Variants in PDE4D observed in about 807,000 individuals in gnomAD.
PDE4D encodes the protein 3',5'-cyclic-AMP phosphodiesterase 4D.
PDE4D carries 24 observed loss-of-function variants against 87.4 expected under a neutral mutation model. The observed-to-expected ratio is 0.27, with a 90% CI of 0.20 to 0.39. PDE4D has a LOEUF of 0.39. Ranked by LOEUF, PDE4D falls within the 10% of genes least tolerant of loss-of-function variation. The pLI is 1.00. For missense variants in PDE4D, 714 were observed against 1,041.0 expected, an observed-to-expected ratio of 0.69 and a Z score of 4.32; for synonymous variants, 384 against 383.2, an observed-to-expected ratio of 1.00 and a Z score of -0.02.
At chr5:59,152,126 G>A (rs1779560701) in intron 5 of PDE4D, among the ~76,000 whole-genome samples, 1 of 152,138 alleles carries the variant, frequency 6.6e-6, no homozygotes, top group African/African-American at 2.4e-5. Flanking sequence ...ATGACCATGG[G>A]ACATATCCCT....
intron 3 of PDE4D, among the ~76,000 whole-genome samples, chr5:59,933,198 C>G (rs554551576): frequency 3.3e-5 from 5 of 152,302 alleles, no homozygotes; most frequent in Admixed American, 6.5e-5. Flanking sequence ...ATTGCTAGCA[C>G]TAAGGCAGAG....
intron 1 of PDE4D, chr5:59,276,123 A>C (rs1286218025): frequency 1.4e-5 from 1 of 72,178 alleles, no homozygotes; most frequent in Non-Finnish European, 1.6e-5. Flanking sequence ...GTGAGAAAGG[A>C]AAAAAAAAAA....
At chr5:59,807,504 A>G (rs996936760) in intron 1 of PDE4D, among the ~76,000 whole-genome samples, 1 of 152,042 alleles carries the variant, frequency 6.6e-6, no homozygotes, top group African/African-American at 2.4e-5. Context: ...GCTTGTCCCC[A>G]CACACACACA....
intron 5 of PDE4D, among the ~76,000 whole-genome samples, chr5:59,081,038 T>C (rs1254326346): frequency 6.6e-6 from 1 of 152,144 alleles, no homozygotes; most frequent in East Asian, 1.9e-4. Flanking sequence ...AAGTAAAAAT[T>C]AATAGTCACA....
intron 2 of PDE4D, among the ~76,000 whole-genome samples, chr5:60,116,306 C>T (rs2149368150): frequency 6.6e-6 from 1 of 152,156 alleles, no homozygotes; most frequent in Non-Finnish European, 1.5e-5. Context: ...AAGGTTGAGA[C>T]CCAGAGTTCT....
chr5:59,199,722 A>T (rs977430133), intron 2 of PDE4D, among the ~76,000 whole-genome samples: 7 of 152,070 alleles, frequency 4.6e-5, no homozygotes, highest in African/African-American at 1.4e-4. Context: ...ACACCCAAGG[A>T]TTAGCTATAG....
chr5:59,768,201 T>C (rs1452498334), intron 1 of PDE4D: 1 of 1,589,678 alleles, frequency 6.3e-7, no homozygotes. Flanking sequence ...CAGGACTCCC[T>C]GAAGGGAAAC....
chr5:60,336,294 G>C (rs1028784819), intron 1 of PDE4D, among the ~76,000 whole-genome samples: 1 of 152,126 alleles, frequency 6.6e-6, no homozygotes, highest in Non-Finnish European at 1.5e-5. Flanking sequence ...ATAATATATA[G>C]ATAAACTAGA....
At chr5:59,318,280 C>T (rs752821357) in intron 1 of PDE4D, among the ~76,000 whole-genome samples, 2 of 152,054 alleles carry the variant, frequency 1.3e-5, no homozygotes, top group Non-Finnish European at 2.9e-5. Flanking sequence ...AAGTTTTAGA[C>T]TAAAAATAAT....
intron 1 of PDE4D, among the ~76,000 whole-genome samples, chr5:60,225,367 G>A (rs72755103): frequency 0.35 from 52,326 of 151,388 alleles, 9,506 homozygotes; most frequent in Admixed American, 0.43. Flanking sequence ...TTAGATTTTA[G>A]TCTAATAAAA....
intron 1 of PDE4D, among the ~76,000 whole-genome samples, chr5:59,632,985 T>A (rs1017122923): frequency 6.6e-6 from 1 of 152,064 alleles, no homozygotes; most frequent in Non-Finnish European, 1.5e-5. Context: ...GCTAAGAACA[T>A]TGATAAAAGG....
At chr5:59,132,380 C>T (rs1404466515) in intron 5 of PDE4D, among the ~76,000 whole-genome samples, 5 of 151,902 alleles carry the variant, frequency 3.3e-5, no homozygotes, top group Non-Finnish European at 5.9e-5. Flanking sequence ...CTGCAGTTTT[C>T]GTAGAAATAT....
intron 1 of PDE4D, among the ~76,000 whole-genome samples, chr5:60,414,922 C>T (rs1742357082): frequency 6.6e-6 from 1 of 152,222 alleles, no homozygotes; most frequent in Non-Finnish European, 1.5e-5. Flanking sequence ...AAAATCTCTC[C>T]TTGGTTAAGA....
At chr5:59,996,514 T>C (rs562402327) in intron 2 of PDE4D, among the ~76,000 whole-genome samples, 1 of 152,190 alleles carries the variant, frequency 6.6e-6, no homozygotes, top group Non-Finnish European at 1.5e-5. Flanking sequence ...AGACATTTTC[T>C]CCATATATTA....
At chr5:60,208,967 A>C (rs1742861285) in intron 1 of PDE4D, among the ~76,000 whole-genome samples, 1 of 152,146 alleles carries the variant, frequency 6.6e-6, no homozygotes, top group African/African-American at 2.4e-5. Flanking sequence ...AAGCATGAAA[A>C]GGTGAAGGAA....
intron 1 of PDE4D, among the ~76,000 whole-genome samples, chr5:60,376,102 G>C (rs573447159): frequency 1.3e-5 from 2 of 152,150 alleles, no homozygotes; most frequent in Admixed American, 6.5e-5. Flanking sequence ...GGCCTCGTCA[G>C]AAAGTCCTGT....
intron 1 of PDE4D, among the ~76,000 whole-genome samples, chr5:59,575,585 G>A (rs1823012648): frequency 6.6e-6 from 1 of 152,056 alleles, no homozygotes; most frequent in African/African-American, 2.4e-5. Flanking sequence ...CAAGATATGT[G>A]GGAATTATTT....
chr5:59,765,671 A>T (rs964973793), intron 1 of PDE4D, among the ~76,000 whole-genome samples: 2 of 152,202 alleles, frequency 1.3e-5, no homozygotes, highest in African/African-American at 4.8e-5. Flanking sequence ...CTTGGGAATC[A>T]CATGTTGCAA....
intron 1 of PDE4D, among the ~76,000 whole-genome samples, chr5:60,449,410 G>A (rs946828473): frequency 3.3e-4 from 49 of 146,948 alleles, no homozygotes; most frequent in Non-Finnish European, 6.1e-4. Context: ...ACCAAACACC[G>A]CATATTCTCA....
Sources: gnomAD v4.1 joint callset for allele counts (sites outside exome capture counted in the v4.1 genomes callset) on GRCh38, gnomAD v4.1.1 for gene constraint, MANE v1.5 for transcripts, NCBI Gene and HGNC (gene_info 2026-07-23, HGNC 2026-07-21) for gene names.